The following TENM3 variants were observed in gnomAD, a reference collection of about 807,000 sequenced individuals.
TENM3 encodes teneurin transmembrane protein 3, also known as teneurin-3.
TENM3 carries 63 observed loss-of-function variants against 255.1 expected under a neutral mutation model. The ratio of observed to expected loss-of-function variants is 0.25; its 90% CI spans 0.20 to 0.30. The LOEUF is 0.30. Among genes scored for constraint, TENM3 ranks in the 10% least tolerant of loss-of-function variants. TENM3 has a pLI of 1.00. For synonymous variants in TENM3, 1,306 were observed against 1,322.3 expected (o/e 0.99, Z 0.27); for missense variants, 2,929 against 3,461.1 (o/e 0.85, Z 3.86).
intron 1 of TENM3, among the ~76,000 whole-genome samples, chr4:182,311,730 G>A (rs939601305): frequency 9.2e-5 from 14 of 152,112 alleles, no homozygotes; most frequent in African/African-American, 2.9e-4. Context: ...TTAATAATTC[G>A]TCAAGGAGCT....
intron 3 of TENM3, among the ~76,000 whole-genome samples, chr4:182,409,308 G>A (rs192868434): frequency 8.5e-5 from 13 of 152,330 alleles, no homozygotes; most frequent in African/African-American, 2.9e-4. Context: ...CTAGAAAAAT[G>A]AGAAATGCAA....
chr4:181,450,713 G>T, the TENM3 span, among the ~76,000 whole-genome samples: 1 of 152,156 alleles, frequency 6.6e-6, no homozygotes, highest in East Asian at 1.9e-4. Context: ...GAACACATCA[G>T]ACTGCACCTC....
intron 3 of TENM3, among the ~76,000 whole-genome samples, chr4:182,597,963 T>C (rs550717969): frequency 1.3e-5 from 2 of 152,152 alleles, no homozygotes; most frequent in Non-Finnish European, 2.9e-5. Context: ...GAGGCTCACT[T>C]GAGCTCTGGA....
At chr4:181,707,450 A>G in the TENM3 span, among the ~76,000 whole-genome samples, 1 of 152,244 alleles carries the variant, frequency 6.6e-6, no homozygotes, top group African/African-American at 2.4e-5. Flanking sequence ...AAACACCAGT[A>G]TAATATAATC....
At chr4:181,803,741 G>A in the TENM3 span, among the ~76,000 whole-genome samples, 2 of 151,768 alleles carry the variant, frequency 1.3e-5, no homozygotes, top group East Asian at 2.0e-4. Context: ...GACCAGCCTG[G>A]GCAACATAGT....
At chr4:181,852,527 G>T in the TENM3 span, among the ~76,000 whole-genome samples, 1 of 152,176 alleles carries the variant, frequency 6.6e-6, no homozygotes, top group Admixed American at 6.5e-5. Flanking sequence ...TGTTGCAAGG[G>T]GTTTTATGGT....
At chr4:181,847,746 A>G in the TENM3 span, among the ~76,000 whole-genome samples, 1 of 152,008 alleles carries the variant, frequency 6.6e-6, no homozygotes, top group Non-Finnish European at 1.5e-5. Flanking sequence ...ACGTACACAT[A>G]TGTATCTAAT....
the TENM3 span, among the ~76,000 whole-genome samples, chr4:182,135,484 G>A: frequency 6.6e-6 from 1 of 152,184 alleles, no homozygotes; most frequent in Non-Finnish European, 1.5e-5. Flanking sequence ...ACCAGGTTTA[G>A]TCTCTTAGAA....
chr4:181,714,960 T>A, the TENM3 span, among the ~76,000 whole-genome samples: 6 of 152,236 alleles, frequency 3.9e-5, no homozygotes, highest in Admixed American at 3.9e-4. Context: ...TCAAGATTAA[T>A]ACCAACTAAT....
intron 7 of TENM3, among the ~76,000 whole-genome samples, chr4:182,678,720 A>T (rs184416608): frequency 1.3e-5 from 2 of 152,344 alleles, no homozygotes; most frequent in Admixed American, 1.3e-4. Flanking sequence ...GCACGGAGTA[A>T]GGATTCAACA....
chr4:182,563,140 C>G (rs1270028280), intron 3 of TENM3, among the ~76,000 whole-genome samples: 2 of 152,114 alleles, frequency 1.3e-5, no homozygotes, highest in Non-Finnish European at 2.9e-5. Context: ...TAGAGCTGGG[C>G]ATGGTGGCTC....
chr4:181,777,639 T>G, the TENM3 span, among the ~76,000 whole-genome samples: 1 of 152,282 alleles, frequency 6.6e-6, no homozygotes, highest in East Asian at 1.9e-4. Flanking sequence ...GTTTATACTC[T>G]TAGTAGGTCA....
At chr4:181,553,556 C>T in the TENM3 span, among the ~76,000 whole-genome samples, 2 of 151,864 alleles carry the variant, frequency 1.3e-5, no homozygotes, top group Non-Finnish European at 2.9e-5. Flanking sequence ...ATTCTCCTGC[C>T]TCAGCCTCCC....
At chr4:181,683,117 A>G in the TENM3 span, among the ~76,000 whole-genome samples, 2 of 152,124 alleles carry the variant, frequency 1.3e-5, no homozygotes, top group Non-Finnish European at 2.9e-5. Context: ...GGAAGTAGGA[A>G]GTGACAGCAA....
the TENM3 span, among the ~76,000 whole-genome samples, chr4:182,008,219 T>G: frequency 6.6e-6 from 1 of 152,130 alleles, no homozygotes; most frequent in African/African-American, 2.4e-5. Context: ...GATCTTCTCG[T>G]GGAGTATCTT....
At chr4:182,173,137 G>A (rs1579596327) in intron 1 of TENM3, among the ~76,000 whole-genome samples, 1 of 152,156 alleles carries the variant, frequency 6.6e-6, no homozygotes, top group African/African-American at 2.4e-5. Context: ...AAATGGGAGT[G>A]GAGAATGACA....
intron 3 of TENM3, among the ~76,000 whole-genome samples, chr4:182,454,010 A>C (rs913802907): frequency 6.6e-6 from 1 of 152,184 alleles, no homozygotes; most frequent in African/African-American, 2.4e-5. Context: ...GGGGCAGTAC[A>C]TCTCCTTAAT....
chr4:182,213,895 G>A (rs1276336460), intron 1 of TENM3, among the ~76,000 whole-genome samples: 1 of 152,002 alleles, frequency 6.6e-6, no homozygotes, highest in East Asian at 1.9e-4. Flanking sequence ...TCTGCCTCCT[G>A]GGTTCACGCC....
intron 3 of TENM3, among the ~76,000 whole-genome samples, chr4:182,519,295 T>A (rs898965326): frequency 2.6e-5 from 4 of 152,236 alleles, no homozygotes; most frequent in South Asian, 2.1e-4. Context: ...TAAAAACTTT[T>A]AAATGTGGGT....
Sources: gnomAD v4.1 joint callset for allele counts (sites outside exome capture counted in the v4.1 genomes callset) on GRCh38, gnomAD v4.1.1 for gene constraint, MANE v1.5 for transcripts, NCBI Gene and HGNC (gene_info 2026-07-23, HGNC 2026-07-21) for gene names.